The following KAZN variants were observed in gnomAD, a reference collection of about 807,000 sequenced individuals.
The protein encoded by KAZN is kazrin.
KAZN carries 40 observed loss-of-function variants against 87.4 expected under a neutral mutation model. That is an observed-to-expected ratio of 0.46 (90% CI 0.36 to 0.60). KAZN has a LOEUF of 0.60. KAZN is among the 20% of genes least tolerant of loss of function. The pLI, the probability that KAZN is intolerant of heterozygous loss-of-function variation, is 0.00. For synonymous variants in KAZN, 466 were observed against 458.3 expected, an observed-to-expected ratio of 1.02 and a Z score of -0.22; for missense variants, 898 against 1,073.9, an observed-to-expected ratio of 0.84 and a Z score of 2.29.
At chr1:14,358,906 A>T (rs1391405188) in intron 2 of KAZN, among the ~76,000 whole-genome samples, 54 of 152,152 alleles carry the variant, frequency 3.5e-4, no homozygotes, top group Admixed American at 1.3e-4. Flanking sequence ...GATTCTTTTG[A>T]TTTGGGGTGG....
At chr1:13,974,979 A>C (rs1216452227) in intron 1 of KAZN, among the ~76,000 whole-genome samples, 2 of 152,172 alleles carry the variant, frequency 1.3e-5, no homozygotes, top group Admixed American at 1.3e-4. Context: ...TTTTTATAGC[A>C]CTTTTCTTAT....
intron 1 of KAZN, among the ~76,000 whole-genome samples, chr1:14,605,238 C>A (rs1677267132): frequency 6.6e-6 from 1 of 152,274 alleles, no homozygotes; most frequent in Admixed American, 6.5e-5. Flanking sequence ...GAACTGGTTT[C>A]ATTGCTTTGG....
chr1:14,310,633 C>T (rs1050232844), intron 2 of KAZN, among the ~76,000 whole-genome samples: 1 of 152,176 alleles, frequency 6.6e-6, no homozygotes, highest in Non-Finnish European at 1.5e-5. Flanking sequence ...CCAACTTCTG[C>T]AAATAAAAGA....
chr1:14,970,544 G>A (rs1043111017), intron 2 of KAZN, among the ~76,000 whole-genome samples: 1 of 152,086 alleles, frequency 6.6e-6, no homozygotes, highest in African/African-American at 2.4e-5. Flanking sequence ...TGATGTTCTC[G>A]TCCTCATCTG....
intron 2 of KAZN, among the ~76,000 whole-genome samples, chr1:14,584,649 C>CTTT (rs55669007): frequency 1.3e-5 from 2 of 148,736 alleles, no homozygotes; most frequent in African/African-American, 2.5e-5. Flanking sequence ...TGGAGACAGT[C>CTTT]TTTTTTTTTT....
chr1:15,018,240 T>A (rs1011873446), intron 2 of KAZN, among the ~76,000 whole-genome samples: 1 of 152,214 alleles, frequency 6.6e-6, no homozygotes, highest in Admixed American at 6.5e-5. Context: ...TTCATCTAAT[T>A]ACACTCATTA....
At chr1:14,801,714 C>A (rs1453742715) in intron 1 of KAZN, among the ~76,000 whole-genome samples, 1 of 149,462 alleles carries the variant, frequency 6.7e-6, no homozygotes, top group Non-Finnish European at 1.5e-5. Flanking sequence ...AGTGGAGTCT[C>A]GCTTTGTTGC....
intron 2 of KAZN, among the ~76,000 whole-genome samples, chr1:14,263,934 A>T (rs1230455697): frequency 6.6e-6 from 1 of 152,144 alleles, no homozygotes; most frequent in Non-Finnish European, 1.5e-5. Context: ...TGGCCATCTG[A>T]CTGGTGGGTC....
intron 2 of KAZN, among the ~76,000 whole-genome samples, chr1:14,325,757 G>A (rs1292267101): frequency 1.3e-5 from 2 of 152,054 alleles, no homozygotes; most frequent in Non-Finnish European, 2.9e-5. Flanking sequence ...ATAACAATAA[G>A]GAAAAATGAG....
chr1:14,964,422 G>C (rs549237463), intron 2 of KAZN, among the ~76,000 whole-genome samples: 1 of 152,116 alleles, frequency 6.6e-6, no homozygotes, highest in Admixed American at 6.5e-5. Flanking sequence ...CCAGACCTGA[G>C]ACCACCCCTT....
At chr1:14,258,908 A>G (rs1011438745) in intron 2 of KAZN, among the ~76,000 whole-genome samples, 1 of 152,172 alleles carries the variant, frequency 6.6e-6, no homozygotes. Flanking sequence ...CGTTTATTGC[A>G]TTGGCATCTC....
chr1:14,621,673 G>T (rs1247660305), intron 1 of KAZN, among the ~76,000 whole-genome samples: 1 of 152,184 alleles, frequency 6.6e-6, no homozygotes, highest in Non-Finnish European at 1.5e-5. Context: ...TGAATCATGG[G>T]GGTGGTTTCC....
chr1:13,979,930 C>CAAAAAAAAAAAAAAAAAAAAAAAAAA (rs142839854), intron 1 of KAZN, among the ~76,000 whole-genome samples: 1 of 100,498 alleles, frequency 1.0e-5, no homozygotes, highest in Non-Finnish European at 2.0e-5. Flanking sequence ...GACTCCGTCT[C>CAAAAAAAAAAAAAAAAAAAAAAAAAA]AAAAAAAAAA....
At chr1:15,109,937 G>GTTTGTGTGTTTGTGTGTT in intron 13 of KAZN, among the ~76,000 whole-genome samples, 1 of 140,558 alleles carries the variant, frequency 7.1e-6, no homozygotes, top group Non-Finnish European at 1.6e-5. Context: ...GTGTGTGTGT[G>GTTTGTGTGTTTGTGTGTT]TGTGTTTGTG....
chr1:15,061,318 C>G (rs1242605000), intron 6 of KAZN: 3 of 152,084 alleles, frequency 2.0e-5, no homozygotes, highest in Non-Finnish European at 2.9e-5. Flanking sequence ...ATTATGGAAC[C>G]ATTTTTTTCA....
At chr1:14,316,229 T>C (rs1655649456) in intron 2 of KAZN, among the ~76,000 whole-genome samples, 1 of 152,074 alleles carries the variant, frequency 6.6e-6, no homozygotes, top group Non-Finnish European at 1.5e-5. Flanking sequence ...TTCAAGTCTT[T>C]TGCCCATTCT....
At chr1:14,394,407 G>A (rs1238580625) in intron 2 of KAZN, among the ~76,000 whole-genome samples, 1 of 152,232 alleles carries the variant, frequency 6.6e-6, no homozygotes, top group Middle Eastern at 3.2e-3. Context: ...GGGGTAGAAA[G>A]AGTCACCTAC....
At chr1:14,055,227 A>G (rs867363482) in intron 1 of KAZN, among the ~76,000 whole-genome samples, 13 of 152,236 alleles carry the variant, frequency 8.5e-5, no homozygotes, top group Admixed American at 4.6e-4. Flanking sequence ...CTATTTCACA[A>G]GCTCATCACA....
chr1:14,424,203 T>C (rs1158789071), intron 2 of KAZN, among the ~76,000 whole-genome samples: 1 of 152,170 alleles, frequency 6.6e-6, no homozygotes, highest in Non-Finnish European at 1.5e-5. Flanking sequence ...ACCTCACAGA[T>C]TGTCATGAAG....
Sources: gnomAD v4.1 joint callset for allele counts (sites outside exome capture counted in the v4.1 genomes callset) on GRCh38, gnomAD v4.1.1 for gene constraint, MANE v1.5 for transcripts, NCBI Gene and HGNC (gene_info 2026-07-23, HGNC 2026-07-21) for gene names.